EXD3: variants seen among roughly 807,000 people sequenced by gnomAD.
EXD3 encodes the protein exonuclease mut-7 homolog.
EXD3 carries 92 observed loss-of-function variants against 98.0 expected under a neutral mutation model. The ratio of observed to expected loss-of-function variants is 0.94; its 90% CI spans 0.79 to 1.12. The LOEUF is 1.12. Among genes scored for constraint, EXD3 ranks in the 50% most tolerant of loss-of-function variants. The probability of loss-of-function intolerance (pLI) is 0.00; values close to 1 mark genes in which losing one functional copy is unlikely to be tolerated. For missense variants in EXD3, 1,222 were observed against 1,191.6 expected (o/e 1.03, Z -0.38); for synonymous variants, 569 against 526.0 (o/e 1.08, Z -1.12).
At chr9:137,416,520 C>A (rs751151995) in intron 1 of EXD3, among the ~76,000 whole-genome samples, 29 of 152,214 alleles carry the variant, frequency 1.9e-4, no homozygotes, top group Non-Finnish European at 4.0e-4. Context: ...CGGGCAGGCG[C>A]CCGGAACCTC....
At chr9:137,334,063 G>A (rs1663428715) in intron 17 of EXD3, among the ~76,000 whole-genome samples, 1 of 151,694 alleles carries the variant, frequency 6.6e-6, no homozygotes, top group Admixed American at 6.6e-5. Flanking sequence ...GTGCAGTGGC[G>A]TGATCTCGGC....
chr9:137,322,574 C>T (rs1588242675), intron 19 of EXD3, among the ~76,000 whole-genome samples: 1 of 88,018 alleles, frequency 1.1e-5, no homozygotes, highest in Non-Finnish European at 2.3e-5. Context: ...GCTCTGCCGA[C>T]ACCTCACCCC....
Position 137,345,119 on chromosome 9 carries a change from C to T in EXD3, c.1998+2952G>A, listed in dbSNP as rs538779042. Among the ~76,000 whole-genome samples the T allele has an allele frequency of 3.3e-4, 51 of 152,380 alleles. No individual in the cohort carries two copies. The South Asian group carries it at 0.01, about 31-fold the overall frequency. ...CTTCTCTCTGACAGCAGGACACAGC[C>T]CCATGGCGTTTCCCGCCACTACCTG... On this transcript the variant is annotated intron_variant, in intron 17 of 21. Coordinates refer to ENST00000340951, the MANE Select transcript of EXD3 (RefSeq NM_017820.5).
chr9:137,336,825 G>GA (rs376692323), intron 17 of EXD3, among the ~76,000 whole-genome samples: 12 of 151,152 alleles, frequency 7.9e-5, no homozygotes, highest in South Asian at 2.1e-4. Flanking sequence ...CTAAAAGCAT[G>GA]AAAAAAAAGA....
intron 5 of EXD3, among the ~76,000 whole-genome samples, chr9:137,369,855 A>C (rs894836749): frequency 6.6e-6 from 1 of 152,240 alleles, no homozygotes; most frequent in Non-Finnish European, 1.5e-5. Flanking sequence ...TTCAGAGCCC[A>C]GGGCTAACAG....
chr9:137,418,654 G>A (rs1268720055), intron 1 of EXD3, among the ~76,000 whole-genome samples: 2 of 152,038 alleles, frequency 1.3e-5, no homozygotes, highest in African/African-American at 4.8e-5. Context: ...CTAAATATAA[G>A]AGAAACAATT....
At chr9:137,330,144 C>T (rs1588273170) in intron 17 of EXD3, among the ~76,000 whole-genome samples, 1 of 118,364 alleles carries the variant, frequency 8.4e-6, no homozygotes, top group Admixed American at 8.4e-5. Context: ...ACAGGAACTA[C>T]ACCGGAGCTA....
At chr9:137,353,718 T>C in intron 10 of EXD3, 1 of 985,536 alleles carries the variant, frequency 1.0e-6, no homozygotes, top group Non-Finnish European at 1.2e-6. Flanking sequence ...CCCCGCAAGG[T>C]CCTGGAGTCC....
At chr9:137,406,430 CGT>C (rs1837718109) in intron 1 of EXD3, among the ~76,000 whole-genome samples, 1 of 152,118 alleles carries the variant, frequency 6.6e-6, no homozygotes, top group African/African-American at 2.4e-5. Flanking sequence ...GGGTGAGCCT[CGT>C]GACACCCCCA....
intron 2 of EXD3, among the ~76,000 whole-genome samples, chr9:137,391,332 C>T (rs1483375121): frequency 1.3e-5 from 2 of 152,236 alleles, no homozygotes; most frequent in Non-Finnish European, 2.9e-5. Flanking sequence ...AGGAACCCGT[C>T]TGGAGCGTGG....
rs977656456 is a variant in EXD3, at chr9:137,419,917, T to G, written c.-48+3197A>C. 2.6e-5 allele frequency among the ~76,000 whole-genome samples: 4 copies of G among 152,176 alleles called. No homozygotes were observed. The East Asian group carries it at 7.8e-4, about 29-fold the overall frequency. ...GCTCATGCCTGTAATCCCAGCACTT[T>G]GGGAGGCCAAGGCGGGCGGATCACG... On this transcript the variant is annotated intron_variant, in intron 1 of 21. Transcript: ENST00000340951.
At chr9:137,417,463 G>A (rs1039499826) in intron 1 of EXD3, among the ~76,000 whole-genome samples, 1 of 152,194 alleles carries the variant, frequency 6.6e-6, no homozygotes, top group Non-Finnish European at 1.5e-5. Flanking sequence ...AACGGCGCGA[G>A]GGGCGGGAGG....
At chr9:137,357,614 T>A (rs1834857719) in intron 7 of EXD3, among the ~76,000 whole-genome samples, 1 of 151,810 alleles carries the variant, frequency 6.6e-6, no homozygotes, top group African/African-American at 2.4e-5. Context: ...AGTTACAGCA[T>A]TTGTGCTTTT....
intron 2 of EXD3, among the ~76,000 whole-genome samples, chr9:137,384,828 C>T (rs1208023907): frequency 6.6e-6 from 1 of 152,270 alleles, no homozygotes; most frequent in East Asian, 1.9e-4. Context: ...CAAAACCCAG[C>T]CGGCTGTCAT....
intron 17 of EXD3, among the ~76,000 whole-genome samples, chr9:137,342,693 A>T (rs1206064796): frequency 6.6e-6 from 1 of 152,184 alleles, no homozygotes; most frequent in Non-Finnish European, 1.5e-5. Context: ...TCAGTCAGGG[A>T]ACTGTTTCCC....
intron 19 of EXD3, among the ~76,000 whole-genome samples, chr9:137,320,082 G>A (rs1438192769): frequency 1.3e-5 from 2 of 152,122 alleles, no homozygotes; most frequent in Non-Finnish European, 2.9e-5. Flanking sequence ...CTCCCAGGCC[G>A]GGGCGGGCAG....
intron 10 of EXD3, chr9:137,353,830 C>T: frequency 1.0e-6 from 1 of 986,502 alleles, no homozygotes; most frequent in Middle Eastern, 5.2e-4. Context: ...CGAGGAGGGT[C>T]CGCCTGCCCC....
intron 3 of EXD3, 81 bp from the exon 4 acceptor site, chr9:137,373,680 T>A: frequency 3.9e-6 from 3 of 761,038 alleles, no homozygotes; most frequent in Non-Finnish European, 5.5e-6. Context: ...CAGAGAGGTT[T>A]TTTAAAATTT....
chr9:137,355,198 A>G (rs145906414), intron 8 of EXD3, among the ~76,000 whole-genome samples: 4,102 of 151,422 alleles, frequency 0.027, 78 homozygotes, highest in Non-Finnish European at 0.041. Flanking sequence ...GCACGTCCAC[A>G]CCCTCCGTCA....
Sources: allele counts gnomAD v4.1 joint callset (sites outside exome capture counted in the v4.1 genomes callset), GRCh38; gene constraint gnomAD v4.1.1; transcripts MANE v1.5; gene names NCBI Gene and HGNC (gene_info 2026-07-23, HGNC 2026-07-21).